KCNN2: variants seen among roughly 807,000 people sequenced by gnomAD.
KCNN2 encodes small conductance calcium-activated potassium channel protein 2.
In KCNN2, 24 loss-of-function variants were observed where a neutral mutation model predicts 55.5. The ratio of observed to expected loss-of-function variants is 0.43; its 90% CI spans 0.31 to 0.61. KCNN2 has a LOEUF of 0.61. KCNN2 is among the 20% of genes least tolerant of loss of function. The pLI is 0.08. For missense variants in KCNN2, 754 were observed against 853.6 expected (o/e 0.88, Z 1.45); for synonymous variants, 431 against 336.1 (o/e 1.28, Z -3.09).
At position 114,496,294 on chromosome 5, in the gene KCNN2, C is replaced by G. The variant is rs1748119014; in HGVS notation, c.*112C>G. On this transcript the variant is annotated 3_prime_UTR_variant, in exon 8 of 8. Coordinates refer to ENST00000673685, the MANE Select transcript of KCNN2 (RefSeq NM_021614.4). ...ATCAGCGTTATCCGGGTTCTGATGT[C>G]AGAATCCTGGGAACCTGAACACTAA... The G allele has an allele frequency of 1.7e-6, 2 of 1,204,726 alleles. No homozygotes were observed. The highest frequency in any genetic ancestry group is 2.6e-5 in the Admixed American group (1 of 38,206). The allele number at this position is 1,204,726 out of a possible 1,614,324, so 74.6% of individuals were successfully genotyped here.
intron 1 of KCNN2, among the ~76,000 whole-genome samples, chr5:114,071,069 G>A (rs944441174): frequency 6.6e-6 from 1 of 152,118 alleles, no homozygotes; most frequent in Non-Finnish European, 1.5e-5. Flanking sequence ...GTATGCATGT[G>A]AAATATATAT....
At position 114,058,965 on chromosome 5, in the gene KCNN2, C is replaced by T. The variant is rs545885402; in HGVS notation, c.-271+2465C>T. On this transcript the variant is annotated intron_variant, in intron 1 of 10. Coordinates refer to the KCNN2 transcript ENST00000512097. ...GGGGGGTCAAGTTGCTGAAATTCAG[C>T]CCATGTTCCTCTTGCCAGGAAATGT... Among the ~76,000 whole-genome samples the T allele has an allele frequency of 4.0e-4, 61 of 152,270 alleles. 2 individuals carry two copies. The highest frequency in any genetic ancestry group is 1.5e-3 in the African/African-American group (61 of 41,550).
chr5:114,429,818 CTT>C (rs61595962), intron 3 of KCNN2, among the ~76,000 whole-genome samples: 5,064 of 71,028 alleles, frequency 0.071, 98 homozygotes, highest in Non-Finnish European at 0.079. Context: ...TATATAGATG[CTT>C]TTTTTTTTTT....
At chr5:114,471,616 T>C (rs1236360875) in intron 4 of KCNN2, among the ~76,000 whole-genome samples, 1 of 152,222 alleles carries the variant, frequency 6.6e-6, no homozygotes, top group African/African-American at 2.4e-5. Flanking sequence ...TCATTTACTC[T>C]GCTTTAGTTG....
intron 2 of KCNN2, among the ~76,000 whole-genome samples, chr5:114,222,518 A>G (rs1377268565): frequency 1.3e-5 from 2 of 152,198 alleles, no homozygotes; most frequent in Non-Finnish European, 2.9e-5. Flanking sequence ...GACAGTGCTC[A>G]AGAATGGCAA....
At chr5:114,188,680 A>T (rs975346159) in intron 1 of KCNN2, among the ~76,000 whole-genome samples, 5 of 152,112 alleles carry the variant, frequency 3.3e-5, no homozygotes, top group African/African-American at 1.2e-4. Flanking sequence ...TAACTAATTA[A>T]AAATGAAATG....
chr5:114,075,618 C>G lies in KCNN2; in HGVS notation c.-271+19118C>G, dbSNP rs141326331. On this transcript the variant is annotated intron_variant, in intron 1 of 10. Transcript: ENST00000512097. ...AAGTTGGCCACAAATCCTTCCCACC[C>G]TTCCATTTGTATACTCACAACTGGC... Among the ~76,000 whole-genome samples the G allele has an allele frequency of 5.3e-3, 806 of 152,326 alleles. 8 individuals carry two copies. The highest frequency in any genetic ancestry group is 0.031 in the Middle Eastern group (9 of 294).
At chr5:114,195,408 A>T (rs558911543) in intron 1 of KCNN2, among the ~76,000 whole-genome samples, 1 of 152,106 alleles carries the variant, frequency 6.6e-6, no homozygotes, top group East Asian at 1.9e-4. Context: ...AACATTCTTT[A>T]TAAGATGTGT....
intron 2 of KCNN2, among the ~76,000 whole-genome samples, chr5:114,334,072 T>C (rs919089511): frequency 2.0e-5 from 3 of 152,232 alleles, no homozygotes; most frequent in Admixed American, 2.0e-4. Flanking sequence ...TTCTGCCATA[T>C]TTAAAGCACT....
intron 5 of KCNN2, among the ~76,000 whole-genome samples, chr5:114,486,501 T>C (rs938532557): frequency 2.6e-5 from 4 of 152,192 alleles, no homozygotes; most frequent in African/African-American, 7.2e-5. Context: ...AATCATAACG[T>C]AGACTCCGTC....
intron 2 of KCNN2, among the ~76,000 whole-genome samples, chr5:114,298,697 T>C (rs1756084782): frequency 6.6e-6 from 1 of 152,158 alleles, no homozygotes; most frequent in Admixed American, 6.5e-5. Flanking sequence ...AGTAAAACCA[T>C]GGGTGATTAA....
chr5:114,404,370 A>T, intron 2 of KCNN2, 68 bp from the exon 3 acceptor site: 1 of 1,300,756 alleles, frequency 7.7e-7, no homozygotes, highest in East Asian at 2.3e-5. Context: ...TGTGTTTTTA[A>T]AATCTGCACT....
At chr5:114,408,300 A>C (rs550022237) in intron 3 of KCNN2, among the ~76,000 whole-genome samples, 11 of 151,224 alleles carry the variant, frequency 7.3e-5, no homozygotes, top group Non-Finnish European at 1.5e-4. Context: ...ATTATTTATA[A>C]TCATTTTAAG....
At chr5:114,070,087 T>C (rs1289056868) in intron 1 of KCNN2, among the ~76,000 whole-genome samples, 1 of 152,256 alleles carries the variant, frequency 6.6e-6, no homozygotes, top group Non-Finnish European at 1.5e-5. Context: ...GGAAAAGCAA[T>C]CTGATTCAAT....
intron 1 of KCNN2, among the ~76,000 whole-genome samples, chr5:114,072,270 C>T (rs957565459): frequency 2.6e-5 from 4 of 150,998 alleles, no homozygotes; most frequent in Non-Finnish European, 5.9e-5. Flanking sequence ...CCAGCCTGGG[C>T]AACAAGAGTA....
At chr5:114,149,565 G>A (rs1752473095) in intron 1 of KCNN2, among the ~76,000 whole-genome samples, 1 of 152,110 alleles carries the variant, frequency 6.6e-6, no homozygotes, top group Admixed American at 6.6e-5. Context: ...GGTTAGTGAG[G>A]GATTTAGGGT....
intron 1 of KCNN2, among the ~76,000 whole-genome samples, chr5:114,121,213 A>G (rs932125281): frequency 2.6e-5 from 4 of 152,132 alleles, no homozygotes; most frequent in Non-Finnish European, 4.4e-5. Flanking sequence ...ATTTGCACCT[A>G]TGGTATCATC....
intron 1 of KCNN2, among the ~76,000 whole-genome samples, chr5:114,148,971 A>G (rs1377839855): frequency 6.6e-6 from 1 of 152,138 alleles, no homozygotes; most frequent in Non-Finnish European, 1.5e-5. Flanking sequence ...AACCAGAAAT[A>G]GGAAGTAAAA....
chr5:114,440,824 A>G (rs1760178032), intron 3 of KCNN2, among the ~76,000 whole-genome samples: 1 of 94,500 alleles, frequency 1.1e-5, no homozygotes, highest in South Asian at 3.9e-4. Flanking sequence ...TGAAGGGAGC[A>G]TATAACAAAC....
Sources: allele counts gnomAD v4.1 joint callset (sites outside exome capture counted in the v4.1 genomes callset), GRCh38; gene constraint gnomAD v4.1.1; transcripts MANE v1.5; gene names NCBI Gene and HGNC (gene_info 2026-07-23, HGNC 2026-07-21).